The following LAMA2 variants were observed in gnomAD, a reference collection of about 807,000 sequenced individuals.
LAMA2 encodes laminin subunit alpha 2.
Under a neutral mutation model 364.8 loss-of-function variants are expected in LAMA2, and 269 were observed. That is an observed-to-expected ratio of 0.74 (90% CI 0.67 to 0.82). The LOEUF (loss-of-function observed/expected upper bound fraction) is 0.82, where lower values mean the gene tolerates loss of function less well. Among genes scored for constraint, LAMA2 ranks in the 40% least tolerant of loss-of-function variants. The pLI, the probability that LAMA2 is intolerant of heterozygous loss-of-function variation, is 0.00. For missense variants in LAMA2, 3,807 were observed against 3,873.2 expected (o/e 0.98, Z 0.45); for synonymous variants, 1,379 against 1,370.6 (o/e 1.01, Z -0.14).
At chr6:129,038,692 C>A (rs1361453093) in intron 1 of LAMA2, among the ~76,000 whole-genome samples, 1 of 152,138 alleles carries the variant, frequency 6.6e-6, no homozygotes, top group Non-Finnish European at 1.5e-5. Flanking sequence ...AATTCCTAGG[C>A]CAAAGTCACA....
rs751878801 is a variant in LAMA2 at position 129,148,967 on chromosome 6, C to CT, written c.910-7dup. 6.3e-7 allele frequency: 1 copy of CT among 1,595,206 alleles called. No individual in the cohort carries two copies. Among genetic ancestry groups the CT allele is most frequent in the African/African-American group, 1.3e-5 (1 of 74,656 alleles). Reference sequence around the variant, plus strand: ...AGGCTAAAATTTGTGCTTCCTCCCTCTTTTTGACTAGAAATCTCGCTGTGA... The same window carrying CT: ...AGGCTAAAATTTGTGCTTCCTCCCTCTTTTTTGACTAGAAATCTCGCTGTGA... On this transcript the variant is annotated splice_polypyrimidine_tract_variant and intron_variant, in intron 6 of 64. Transcript: ENST00000421865.
intron 51 of LAMA2, among the ~76,000 whole-genome samples, chr6:129,465,873 CAT>C (rs1235938578): frequency 1.3e-5 from 2 of 151,996 alleles, no homozygotes; most frequent in Middle Eastern, 3.4e-3. Flanking sequence ...TGGTCACAGA[CAT>C]ATATATAAAA....
rs566630777 is a variant in LAMA2, at chr6:128,992,789, G to A, written c.113-57129G>A. Among the ~76,000 whole-genome samples the A allele has an allele frequency of 5.9e-5, 9 of 152,192 alleles. No individual in the cohort carries two copies. In the South Asian group the frequency reaches 1.9e-3, roughly 32 times the overall value. ...TGTGCTTTGACATTTCAATTTTCCCGCTTGGCTTTGTCCTTCTGTCTTCCC... is the reference window on the plus strand; with the variant it reads ...TGTGCTTTGACATTTCAATTTTCCCACTTGGCTTTGTCCTTCTGTCTTCCC... On this transcript the variant is annotated intron_variant, in intron 1 of 64. Transcript: ENST00000421865.
intron 1 of LAMA2, among the ~76,000 whole-genome samples, chr6:129,017,179 AAT>A (rs1371371930): frequency 1.3e-5 from 2 of 152,056 alleles, no homozygotes; most frequent in Non-Finnish European, 2.9e-5. Context: ...AAGTAAATGT[AAT>A]ATGAGTCAAT....
At chr6:129,309,902 A>ATTTTTTTTTTTTTTTTTTTTTTTTTTT (rs993652081) in intron 22 of LAMA2, among the ~76,000 whole-genome samples, 1 of 135,788 alleles carries the variant, frequency 7.4e-6, no homozygotes, top group African/African-American at 2.8e-5. Flanking sequence ...CCTGATAATC[A>ATTTTTTTTTTTTTTTTTTTTTTTTTTT]TTTTTTTTTT....
intron 29 of LAMA2, among the ~76,000 whole-genome samples, chr6:129,335,277 A>G (rs1775885695): frequency 6.6e-6 from 1 of 152,144 alleles, no homozygotes; most frequent in African/African-American, 2.4e-5. Context: ...ACTAAAACCT[A>G]TGTAATACTG....
At chr6:129,129,185 C>G (rs571958177) in intron 4 of LAMA2, among the ~76,000 whole-genome samples, 2 of 152,204 alleles carry the variant, frequency 1.3e-5, no homozygotes, top group African/African-American at 2.4e-5. Context: ...ACTAGTCTTC[C>G]TCATGCCATT....
chr6:129,357,255 C>G (rs1420563880), intron 32 of LAMA2, among the ~76,000 whole-genome samples: 1 of 151,988 alleles, frequency 6.6e-6, no homozygotes, highest in East Asian at 1.9e-4. Context: ...TCTGTAAACT[C>G]ATATCATTAA....
At chr6:129,439,511 C>T (rs568154137) in intron 42 of LAMA2, among the ~76,000 whole-genome samples, 1 of 152,062 alleles carries the variant, frequency 6.6e-6, no homozygotes, top group African/African-American at 2.4e-5. Context: ...AGGTGATAGC[C>T]CACTGCATTC....
At chr6:129,294,372 T>A (rs1449369403) in intron 20 of LAMA2, among the ~76,000 whole-genome samples, 1 of 152,126 alleles carries the variant, frequency 6.6e-6, no homozygotes, top group East Asian at 1.9e-4. Context: ...GGAAATTCAT[T>A]TCTCACGATT....
chr6:129,446,514 A>G (rs868833503), intron 45 of LAMA2, among the ~76,000 whole-genome samples: 569 of 50,924 alleles, frequency 0.011, 6 homozygotes, highest in African/African-American at 0.046. Context: ...GAAGGGGAGG[A>G]GAGGGGAGGG....
chr6:129,219,863 G>A (rs1246108580), intron 12 of LAMA2, among the ~76,000 whole-genome samples: 2 of 143,824 alleles, frequency 1.4e-5, no homozygotes, highest in African/African-American at 2.9e-5. Flanking sequence ...AGCATTAGGA[G>A]ATGCTAAATG....
At position 129,190,101 on chromosome 6, in the gene LAMA2, G is replaced by T. The variant is rs557521852; in HGVS notation, c.1468-104G>T. 8.8e-6 allele frequency: 10 copies of T among 1,132,642 alleles called. No individual in the cohort carries two copies. The Admixed American group carries it at 1.5e-4, about 17-fold the overall frequency. 70.2% of individuals were successfully genotyped at this position (1,132,642 alleles called of 1,614,324 possible). ...ATTATACGTTAAATATAGTTGAGAG[G>T]GTAAAATGAAGAATGTACAGTTAAT... On this transcript the variant is annotated intron_variant, in intron 10 of 64. Coordinates refer to ENST00000421865, the MANE Select transcript of LAMA2 (RefSeq NM_000426.4).
intron 1 of LAMA2, among the ~76,000 whole-genome samples, chr6:129,009,267 T>C (rs6912590): frequency 0.92 from 139,853 of 152,146 alleles, 64,705 homozygotes; most frequent in East Asian, 0.97. Context: ...CCATAATCTC[T>C]GAAATAATTA....
chr6:129,198,994 T>G (rs1782015409), intron 12 of LAMA2, among the ~76,000 whole-genome samples: 1 of 152,268 alleles, frequency 6.6e-6, no homozygotes, highest in South Asian at 2.1e-4. Context: ...AACTGGGACG[T>G]ACTCCTCACA....
rs527257101 is a variant in LAMA2 at position 129,399,968 on chromosome 6, A to G, written c.5446-1256A>G. ...TGTGACCTTAAAGGAATCATTTAAT[A>G]TCTTAGTTCATCTGAGCTGCTATAG... is the stretch of plus-strand genomic sequence containing the variant. On this transcript the variant is annotated intron_variant, in intron 37 of 64. Coordinates refer to ENST00000421865, the MANE Select transcript of LAMA2 (RefSeq NM_000426.4). Among the ~76,000 whole-genome samples, 22 of 152,312 alleles carry G rather than the reference A, an allele frequency of 1.4e-4. No individual in the cohort carries two copies. In the South Asian group the frequency reaches 1.7e-3, roughly 11 times the overall value.
intron 1 of LAMA2, among the ~76,000 whole-genome samples, chr6:128,954,849 C>T (rs1781047517): frequency 6.6e-6 from 1 of 151,828 alleles, no homozygotes; most frequent in African/African-American, 2.4e-5. Context: ...CCTGTTCCAA[C>T]TTAATTTTCT....
chr6:129,063,348 T>C (rs571222583), intron 3 of LAMA2, among the ~76,000 whole-genome samples: 11 of 152,270 alleles, frequency 7.2e-5, no homozygotes, highest in African/African-American at 2.4e-4. Flanking sequence ...CAAACGTTAA[T>C]AAGATGTCTA....
chr6:128,939,792 A>G (rs1780047943), intron 1 of LAMA2, among the ~76,000 whole-genome samples: 1 of 152,158 alleles, frequency 6.6e-6, no homozygotes, highest in Admixed American at 6.5e-5. Context: ...TAATTAGCTT[A>G]AGCTAATTAT....
Sources: gnomAD v4.1 joint callset for allele counts (sites outside exome capture counted in the v4.1 genomes callset) on GRCh38, gnomAD v4.1.1 for gene constraint, MANE v1.5 for transcripts, NCBI Gene and HGNC (gene_info 2026-07-23, HGNC 2026-07-21) for gene names.